The following SEM1 variants were observed in gnomAD, a reference collection of about 807,000 sequenced individuals.
The protein encoded by SEM1 is SEM1 26S proteasome subunit.
SEM1 carries 3 observed loss-of-function variants against 12.7 expected under a neutral mutation model. The ratio of observed to expected loss-of-function variants is 0.24; its 90% CI spans 0.11 to 0.61. The LOEUF (loss-of-function observed/expected upper bound fraction) is 0.61, where lower values mean the gene tolerates loss of function less well. Ranked by LOEUF, SEM1 falls within the 20% of genes least tolerant of loss-of-function variation. SEM1 has a pLI of 0.88. For missense variants in SEM1, 59 were observed against 81.3 expected, an observed-to-expected ratio of 0.73 and a Z score of 1.06; for synonymous variants, 30 against 27.8, an observed-to-expected ratio of 1.08 and a Z score of -0.25.
intron 2 of SEM1, among the ~76,000 whole-genome samples, chr7:96,511,246 A>G (rs923502582): frequency 6.6e-6 from 1 of 152,292 alleles, no homozygotes; most frequent in Admixed American, 6.5e-5. Context: ...TCATTCATTC[A>G]GTCAGTCAGT....
chr7:96,673,633 C>G, exon 3 of SEM1: 1 of 651,130 alleles, frequency 1.5e-6, no homozygotes, highest in Non-Finnish European at 2.8e-6. Flanking sequence ...AGCACCACCC[C>G]ACTCCCTCCT....
intron 2 of SEM1, among the ~76,000 whole-genome samples, chr7:96,613,506 G>A (rs1880514): frequency 0.029 from 4,435 of 152,050 alleles, 192 homozygotes; most frequent in African/African-American, 0.1. Flanking sequence ...GCTAATTAGC[G>A]TATCTATCAC....
At chr7:96,692,420 T>C (rs1282257478) in intron 2 of SEM1, among the ~76,000 whole-genome samples, 1 of 151,788 alleles carries the variant, frequency 6.6e-6, no homozygotes, top group Non-Finnish European at 1.5e-5. Context: ...AAACACAGAG[T>C]AGAGATCAAC....
rs559565592 is a variant in SEM1 at position 96,547,621 on chromosome 7, T to C, written c.171-40923A>G. On this transcript the variant is annotated intron_variant and NMD_transcript_variant, in intron 2 of 3. Transcript: ENST00000466986. ...CGTTTTTTATAACTGTTTTCACCACTAATTTGGTTCTCTGATGCAGTGTGC... is the reference window on the plus strand; with the variant it reads ...CGTTTTTTATAACTGTTTTCACCACCAATTTGGTTCTCTGATGCAGTGTGC... Among the ~76,000 whole-genome samples, 233 of 152,264 alleles carry C rather than the reference T, an allele frequency of 1.5e-3. 5 individuals carry two copies. The highest frequency in any genetic ancestry group is 0.015 in the Admixed American group (222 of 15,274).
chr7:96,487,037 T>C (rs1313685665), intron 1 of SEM1, among the ~76,000 whole-genome samples: 4 of 152,006 alleles, frequency 2.6e-5, no homozygotes, highest in African/African-American at 9.7e-5. Flanking sequence ...ATGCAACTAT[T>C]TGAGGAAACG....
downstream of SEM1, among the ~76,000 whole-genome samples, chr7:96,619,054 G>A (rs1807804844): frequency 6.6e-6 from 1 of 152,010 alleles, no homozygotes; most frequent in South Asian, 2.1e-4. Flanking sequence ...ATCTAATTAA[G>A]CTTCTTCGAA....
intron 3 of SEM1, among the ~76,000 whole-genome samples, chr7:96,502,757 A>G (rs1175423016): frequency 6.6e-6 from 1 of 152,216 alleles, no homozygotes; most frequent in Non-Finnish European, 1.5e-5. Flanking sequence ...GATACGCTGC[A>G]GTAATTCATT....
At chr7:96,566,062 G>A (rs1003774266) in intron 2 of SEM1, among the ~76,000 whole-genome samples, 1 of 151,716 alleles carries the variant, frequency 6.6e-6, no homozygotes, top group Non-Finnish European at 1.5e-5. Flanking sequence ...GCAGTTTGTT[G>A]TGTGACATTA....
At chr7:96,559,681 G>A (rs7784410) in intron 2 of SEM1, among the ~76,000 whole-genome samples, 92,041 of 152,130 alleles carry the variant, frequency 0.61, 29,218 homozygotes, top group East Asian at 0.76. Context: ...AAGGCTACAT[G>A]TTGTAGAGAG....
rs530206135 is a variant in SEM1 at position 96,492,064 on chromosome 7, A to G, written c.12+4220T>C. Among the ~76,000 whole-genome samples, 10 of 152,190 alleles carry G rather than the reference A, an allele frequency of 6.6e-5. No individual in the cohort carries two copies. In the South Asian group the frequency reaches 1.2e-3, roughly 19 times the overall value. ...CTTTCTTTATGACATTCATTTTTCT[A>G]TTTGGAAGTATACATAATATAAACT... On this transcript the variant is annotated intron_variant, in intron 1 of 3. Transcript: ENST00000356686.
At chr7:96,534,788 A>G (rs1035412669) in intron 2 of SEM1, among the ~76,000 whole-genome samples, 2 of 152,046 alleles carry the variant, frequency 1.3e-5, no homozygotes, top group South Asian at 4.1e-4. Flanking sequence ...AGAGATTTAC[A>G]AAAATAAAAT....
intron 1 of SEM1, among the ~76,000 whole-genome samples, chr7:96,703,972 AACACACAC>A (rs67174798): frequency 0.056 from 7,998 of 142,130 alleles, 243 homozygotes; most frequent in South Asian, 0.083. Flanking sequence ...GTCTCTTAAA[AACACACAC>A]ACACACACAC....
At chr7:96,535,335 C>T (rs1362072842) in intron 2 of SEM1, among the ~76,000 whole-genome samples, 1 of 151,786 alleles carries the variant, frequency 6.6e-6, no homozygotes, top group Non-Finnish European at 1.5e-5. Context: ...AAGGAAAAGA[C>T]ATATGGTTAA....
At chr7:96,555,469 G>C (rs1805453515) in intron 2 of SEM1, among the ~76,000 whole-genome samples, 1 of 138,804 alleles carries the variant, frequency 7.2e-6, no homozygotes, top group Admixed American at 7.4e-5. Flanking sequence ...TTCAGGAGCA[G>C]GTTGTTCAGT....
chr7:96,610,342 G>A (rs575293638), intron 2 of SEM1, among the ~76,000 whole-genome samples: 17 of 152,114 alleles, frequency 1.1e-4, no homozygotes, highest in East Asian at 9.7e-4. Context: ...CAGGTGATCC[G>A]CCTGCCTGGG....
At chr7:96,675,599 A>G (rs146410482) in intron 2 of SEM1, among the ~76,000 whole-genome samples, 5 of 152,130 alleles carry the variant, frequency 3.3e-5, no homozygotes, top group Admixed American at 2.6e-4. Flanking sequence ...CTCCTTGGGG[A>G]TAACTCAAAT....
chr7:96,489,482 C>T lies in SEM1; in HGVS notation c.13-3065G>A, dbSNP rs572859044. ...CCAATCTAGAGTGATGGGTCTAAAACATTAGAATCACCTAGGGAGCTTTCA... is the reference window on the plus strand; with the variant it reads ...CCAATCTAGAGTGATGGGTCTAAAATATTAGAATCACCTAGGGAGCTTTCA... On this transcript the variant is annotated intron_variant, in intron 1 of 3. Coordinates refer to the SEM1 transcript ENST00000356686. 2.0e-5 allele frequency among the ~76,000 whole-genome samples: 3 copies of T among 152,290 alleles called. No homozygotes were observed. In the South Asian group the frequency reaches 6.2e-4, roughly 32 times the overall value.
chr7:96,505,704 G>A (rs1803734925), intron 3 of SEM1, among the ~76,000 whole-genome samples: 1 of 152,086 alleles, frequency 6.6e-6, no homozygotes, highest in Non-Finnish European at 1.5e-5. Context: ...TGTTTGGCGA[G>A]GGTCCACATA....
At chr7:96,522,748 G>A (rs897938819) in intron 2 of SEM1, among the ~76,000 whole-genome samples, 12 of 146,296 alleles carry the variant, frequency 8.2e-5, no homozygotes, top group Admixed American at 2.1e-4. Context: ...AAAATTAGCC[G>A]GATGTGGTGG....
Sources: gnomAD v4.1 joint callset for allele counts (sites outside exome capture counted in the v4.1 genomes callset) on GRCh38, gnomAD v4.1.1 for gene constraint, MANE v1.5 for transcripts, NCBI Gene and HGNC (gene_info 2026-07-23, HGNC 2026-07-21) for gene names.